The following GOLGA4 variants were observed in gnomAD, a reference collection of about 807,000 sequenced individuals.
GOLGA4 encodes the protein golgin subfamily A member 4.
GOLGA4 carries 169 observed loss-of-function variants against 265.9 expected under a neutral mutation model. The ratio of observed to expected loss-of-function variants is 0.64; its 90% confidence interval spans 0.56 to 0.72. GOLGA4 has a LOEUF of 0.72. Among genes scored for constraint, GOLGA4 ranks in the 30% least tolerant of loss-of-function variants. The pLI is 0.00. For synonymous variants in GOLGA4, 923 were observed against 855.8 expected (o/e 1.08, Z -1.37); for missense variants, 2,482 against 2,483.4 (o/e 1.00, Z 0.01).
intron 2 of GOLGA4, among the ~76,000 whole-genome samples, chr3:37,270,251 G>T (rs1403219556): frequency 6.8e-6 from 1 of 147,434 alleles, no homozygotes; most frequent in Non-Finnish European, 1.5e-5. Flanking sequence ...TGTTGCCCGG[G>T]CTGGAGTGCA....
chr3:37,299,076 C>A (rs1450095610), intron 8 of GOLGA4, 56 bp downstream of exon 8: 1 of 1,393,624 alleles, frequency 7.2e-7, no homozygotes, highest in Non-Finnish European at 9.8e-7. Flanking sequence ...GATCCACAGG[C>A]TCCACAGCAT....
Position 37,327,632 on chromosome 3 carries a change from A to G in GOLGA4, c.5746A>G (p.Lys1916Glu). 1 of 1,613,918 alleles carries G rather than the reference A, an allele frequency of 6.2e-7. No homozygotes were observed. The highest frequency in any genetic ancestry group is 8.5e-7 in the Non-Finnish European group (1 of 1,179,840). The part of the protein sequence containing the change: ...EKSKSHLVQP[K>E]LLSNMEAQHN... The stretch of plus-strand genomic sequence containing the variant: ...GTCCAAATCACATTTGGTCCAACCC[A>G]AATTGCTTAGTAACATGGAAGCCCA... Residue 1916 changes from lysine (K) to glutamate (E), a missense_variant, in exon 14 of 24, where the codon AAA (lysine) becomes GAA (glutamate). Physicochemically the swap from Lys to Glu is moderately conservative, Grantham distance 56 (BLOSUM62 1). This residue lies in a region of GOLGA4 where 942 missense variants were observed against 983.1 expected (regional missense o/e 0.96). Transcript: ENST00000361924.
Position 37,324,436 on chromosome 3 carries a change from A to G in GOLGA4, c.2550A>G (p.Lys850=), listed in dbSNP as rs764330596. 4.3e-6 allele frequency: 7 copies of G among 1,614,220 alleles called. No individual in the cohort carries two copies. The South Asian group carries it at 4.4e-5, about 10-fold the overall frequency. ...TTGCTGAAGTTGAAGCACAAAAGAAAGATGTTTGTACTGAGTTAGATGCTC... is the reference window on the plus strand; with the variant it reads ...TTGCTGAAGTTGAAGCACAAAAGAAGGATGTTTGTACTGAGTTAGATGCTC... ...KQVAEVEAQK[K]DVCTELDAHK... Residue 850 remains lysine (K), a synonymous_variant, in exon 14 of 24, where the codon AAA becomes AAG. Coordinates refer to ENST00000361924, the MANE Select transcript of GOLGA4 (RefSeq NM_002078.5).
intron 1 of GOLGA4, among the ~76,000 whole-genome samples, 184 bp from the exon 2 acceptor site, chr3:37,251,211 A>G (rs1246299031): frequency 1.3e-5 from 2 of 152,174 alleles, no homozygotes; most frequent in Non-Finnish European, 2.9e-5. Context: ...TAGGCCAGGG[A>G]CCTAGTAGGT....
chr3:37,319,228 A>G (rs1011386273), intron 12 of GOLGA4, 34 bp downstream of exon 12: 3 of 1,539,528 alleles, frequency 1.9e-6, no homozygotes, highest in African/African-American at 2.8e-5. Context: ...TGCTATAGGT[A>G]TACTTCTCAG....
Position 37,299,099 on chromosome 3 carries a change from C to T in GOLGA4, c.1002+79C>T, listed in dbSNP as rs949341208. 93 of 1,249,804 alleles carry T rather than the reference C, an allele frequency of 7.4e-5. 1 individual carries two copies. Among genetic ancestry groups the T allele is most frequent in the Middle Eastern group, 2.8e-4 (1 of 3,604 alleles). 77.4% of individuals were successfully genotyped at this position (1,249,804 alleles called of 1,614,324 possible). ...GGCTCCACAGCATGGCTTGTACCTC[C>T]GGGAGAGGAGAGTGGATGGAAAGGG... On this transcript the variant is annotated intron_variant, in intron 8 of 23. Coordinates refer to ENST00000361924, the MANE Select transcript of GOLGA4 (RefSeq NM_002078.5).
chr3:37,311,629 G>T (rs1416862435), intron 10 of GOLGA4, among the ~76,000 whole-genome samples: 1 of 152,156 alleles, frequency 6.6e-6, no homozygotes, highest in Middle Eastern at 3.2e-3. Context: ...GTCAATGAAA[G>T]ATTTCAATGG....
rs183253376 is a variant in GOLGA4 at position 37,349,515 on chromosome 3, A to G, written c.6576+2219A>G. Among the ~76,000 whole-genome samples the G allele has an allele frequency of 7.2e-5, 11 of 152,256 alleles. No homozygotes were observed. In the East Asian group the frequency reaches 1.5e-3, roughly 21 times the overall value. On this transcript the variant is annotated intron_variant, in intron 21 of 23. Transcript: ENST00000361924. ...TTGAAATCACAAGTAGCCTGGTCCA[A>G]CTAAAACGCTGGATTGATGAAGGGG...
At chr3:37,330,767 C>T (rs1446005495) in intron 16 of GOLGA4, among the ~76,000 whole-genome samples, 2 of 152,056 alleles carry the variant, frequency 1.3e-5, no homozygotes, top group Non-Finnish European at 1.5e-5. Context: ...GTGGCTCATG[C>T]CTGTAATTCC....
intron 7 of GOLGA4, among the ~76,000 whole-genome samples, 182 bp from the exon 8 acceptor site, chr3:37,298,651 A>G (rs138371556): frequency 6.6e-6 from 1 of 152,348 alleles, no homozygotes; most frequent in East Asian, 1.9e-4. Context: ...ACTATAAACT[A>G]TAAACTAAGT....
rs139183035 is a variant in GOLGA4 at position 37,251,463 on chromosome 3, T to A, written c.141T>A (p.Asp47Glu). ...SRTSSFTEQL[D>E]EGTPNRESGD... ...CATCTTCATTTACAGAGCAACTTGATGAAGGTACACCCAATAGAGAGGTAA... is the reference window on the plus strand; with the variant it reads ...CATCTTCATTTACAGAGCAACTTGAAGAAGGTACACCCAATAGAGAGGTAA... Residue 47 changes from aspartate to glutamate, a missense_variant, in exon 2 of 24, where the codon GAT becomes GAA. Asp to Glu is a conservative substitution (Grantham distance 45, BLOSUM62 2). Transcript: ENST00000361924. The A allele has an allele frequency of 7.9e-4, 1,274 of 1,607,906 alleles. 1 individual carries two copies. Among genetic ancestry groups the A allele is most frequent in the Non-Finnish European group, 1.0e-3 (1,176 of 1,174,324 alleles).
intron 2 of GOLGA4, among the ~76,000 whole-genome samples, chr3:37,251,833 C>T (rs931539708): frequency 3.3e-5 from 5 of 152,106 alleles, no homozygotes; most frequent in African/African-American, 1.2e-4. Flanking sequence ...TATAGGCGCA[C>T]GCCACCTGCC....
intron 2 of GOLGA4, among the ~76,000 whole-genome samples, chr3:37,263,421 G>T (rs1035624398): frequency 1.3e-5 from 2 of 152,132 alleles, no homozygotes; most frequent in African/African-American, 4.8e-5. Flanking sequence ...GGTCCTTACT[G>T]ATCCAACCAG....
At chr3:37,336,081 A>G (rs1354554826) in intron 17 of GOLGA4, among the ~76,000 whole-genome samples, 1 of 152,240 alleles carries the variant, frequency 6.6e-6, no homozygotes, top group East Asian at 1.9e-4. Flanking sequence ...GTGCAGAGAA[A>G]GAGCCTCTAT....
At chr3:37,342,574 G>A (rs912016558) in intron 20 of GOLGA4, among the ~76,000 whole-genome samples, 3 of 152,068 alleles carry the variant, frequency 2.0e-5, no homozygotes, top group Admixed American at 6.5e-5. Context: ...GTGAATTTAT[G>A]TAATTCAGTC....
chr3:37,344,492 C>CTTT (rs56761489), intron 20 of GOLGA4, among the ~76,000 whole-genome samples: 3 of 118,200 alleles, frequency 2.5e-5, no homozygotes, highest in Admixed American at 9.0e-5. Context: ...ACCTCACTGT[C>CTTT]TTTTTTTTTT....
At chr3:37,337,105 A>T in intron 17 of GOLGA4, 38 bp from the exon 18 acceptor site, 1 of 1,246,412 alleles carries the variant, frequency 8.0e-7, no homozygotes, top group Non-Finnish European at 1.2e-6. Context: ...TATAGCTATT[A>T]TTGTATACAC....
At chr3:37,302,072 A>C in intron 9 of GOLGA4, 113 bp from the exon 10 acceptor site, 1 of 838,672 alleles carries the variant, frequency 1.2e-6, no homozygotes, top group Non-Finnish European at 1.9e-6. Flanking sequence ...TATGGACATG[A>C]GTCACCATGC....
At chr3:37,335,630 A>G in intron 17 of GOLGA4, among the ~76,000 whole-genome samples, 1 of 152,198 alleles carries the variant, frequency 6.6e-6, no homozygotes, top group South Asian at 2.1e-4. Context: ...TTTTAGTTGT[A>G]TATCATTAAG....
Sources: gnomAD v4.1 joint callset for allele counts (sites outside exome capture counted in the v4.1 genomes callset) on GRCh38, gnomAD v4.1.1 for gene constraint, gnomAD v4.1.1 regional missense constraint, MANE v1.5 for transcripts, NCBI Gene and HGNC (gene_info 2026-07-23, HGNC 2026-07-21) for gene names.